TNFSF4: variants seen among roughly 807,000 people sequenced by gnomAD.
TNFSF4 encodes the protein tumor necrosis factor ligand superfamily member 4.
In TNFSF4, 4 loss-of-function variants were observed where a neutral mutation model predicts 7.3. That is an observed-to-expected ratio of 0.55 (90% confidence interval 0.27 to 1.25). The LOEUF is 1.25. Among genes scored for constraint, TNFSF4 ranks in the 50% most tolerant of loss-of-function variants. The pLI, the probability that TNFSF4 is intolerant of heterozygous loss-of-function variation, is 0.12. For synonymous variants in TNFSF4, 76 were observed against 83.7 expected (o/e 0.91, Z 0.50); for missense variants, 181 against 208.8 (o/e 0.87, Z 0.82).
At chr1:173,249,937 T>C in the TNFSF4 span, among the ~76,000 whole-genome samples, 2 of 152,140 alleles carry the variant, frequency 1.3e-5, no homozygotes, top group African/African-American at 2.4e-5. Flanking sequence ...CTCATAAGAA[T>C]AATATGTTCT....
At chr1:173,301,041 A>T in the TNFSF4 span, among the ~76,000 whole-genome samples, 1 of 151,970 alleles carries the variant, frequency 6.6e-6, no homozygotes, top group Non-Finnish European at 1.5e-5. Flanking sequence ...CAGTATTTTT[A>T]AAAAGATTCA....
the TNFSF4 span, among the ~76,000 whole-genome samples, chr1:173,397,813 A>G: frequency 6.6e-6 from 1 of 152,100 alleles, no homozygotes. Context: ...AATTGCAGAG[A>G]TTTGCACCAC....
chr1:173,271,353 C>G, the TNFSF4 span, among the ~76,000 whole-genome samples: 1 of 152,052 alleles, frequency 6.6e-6, no homozygotes, highest in Admixed American at 6.6e-5. Context: ...CCCGTTTCAG[C>G]TTTCTACATA....
chr1:173,292,079 C>A, the TNFSF4 span, among the ~76,000 whole-genome samples: 1 of 151,862 alleles, frequency 6.6e-6, no homozygotes, highest in Non-Finnish European at 1.5e-5. Context: ...TAGTATCAAT[C>A]CTACTGAAAT....
chr1:173,366,125 G>C, the TNFSF4 span, among the ~76,000 whole-genome samples: 1 of 152,146 alleles, frequency 6.6e-6, no homozygotes. Flanking sequence ...CCAACTCCTA[G>C]TATATACCCA....
the TNFSF4 span, among the ~76,000 whole-genome samples, chr1:173,267,997 T>A: frequency 5.9e-5 from 9 of 151,984 alleles, no homozygotes; most frequent in East Asian, 1.9e-4. Context: ...CACAAAAAAA[T>A]TTGGTGAACG....
the TNFSF4 span, among the ~76,000 whole-genome samples, chr1:173,176,573 C>G: frequency 6.6e-6 from 1 of 152,062 alleles, no homozygotes; most frequent in Non-Finnish European, 1.5e-5. Flanking sequence ...GGTGAGTTCT[C>G]AAAGTTCTGA....
rs372834430 is a variant in TNFSF4, at chr1:173,188,528, T to C, written c.195A>G (p.Gln65=). Residue 65 remains glutamine, a synonymous_variant, in exon 2 of 3, where the codon CAA becomes CAG. Transcript: ENST00000281834. The part of the protein sequence containing the change: ...RYPRIQSIKV[Q]FTEYKKEKGF... ...ACTTTTGACAATACTTACCGGTAAA[T>C]TGTACTTTGATACTTTGAATTCGAG... is the stretch of plus-strand genomic sequence containing the variant. The C allele has an allele frequency of 7.5e-6, 12 of 1,610,456 alleles. No individual in the cohort carries two copies. The highest frequency in any genetic ancestry group is 9.3e-6 in the Non-Finnish European group (11 of 1,176,950).
the TNFSF4 span, among the ~76,000 whole-genome samples, chr1:173,286,851 A>G: frequency 6.6e-6 from 1 of 152,190 alleles, no homozygotes; most frequent in South Asian, 2.1e-4. Flanking sequence ...CTAACAAAGA[A>G]TTATTATTTA....
the TNFSF4 span, among the ~76,000 whole-genome samples, chr1:173,402,622 T>C: frequency 2.6e-5 from 4 of 152,212 alleles, no homozygotes; most frequent in Non-Finnish European, 4.4e-5. Flanking sequence ...GCACTATTTC[T>C]CATCAATCCT....
At chr1:173,307,859 T>A in the TNFSF4 span, among the ~76,000 whole-genome samples, 1 of 152,062 alleles carries the variant, frequency 6.6e-6, no homozygotes, top group East Asian at 1.9e-4. Flanking sequence ...TCTGTAAGGT[T>A]GAATTATTTC....
At chr1:173,317,622 T>A in the TNFSF4 span, among the ~76,000 whole-genome samples, 2 of 151,938 alleles carry the variant, frequency 1.3e-5, no homozygotes, top group African/African-American at 4.8e-5. Flanking sequence ...GAACAAAACA[T>A]CCACATGAAG....
the TNFSF4 span, among the ~76,000 whole-genome samples, chr1:173,340,899 T>C: frequency 6.6e-6 from 1 of 152,162 alleles, no homozygotes; most frequent in Non-Finnish European, 1.5e-5. Flanking sequence ...TCATCTTGAA[T>C]TGTAGTTCCC....
chr1:173,326,267 A>G, the TNFSF4 span, among the ~76,000 whole-genome samples: 1 of 152,220 alleles, frequency 6.6e-6, no homozygotes, highest in Non-Finnish European at 1.5e-5. Flanking sequence ...GACAAAAACC[A>G]CATGATTATC....
At chr1:173,352,140 C>A in the TNFSF4 span, 2 of 244,502 alleles carry the variant, frequency 8.2e-6, no homozygotes, top group Non-Finnish European at 1.5e-5. Context: ...TCTGGTAAAC[C>A]AGAAAGACCT....
the TNFSF4 span, among the ~76,000 whole-genome samples, chr1:173,321,572 A>G: frequency 1.3e-5 from 2 of 152,090 alleles, no homozygotes; most frequent in African/African-American, 4.8e-5. Context: ...TTTTTGCAAG[A>G]TACCCATATG....
At chr1:173,243,028 A>G in the TNFSF4 span, among the ~76,000 whole-genome samples, 1 of 149,034 alleles carries the variant, frequency 6.7e-6, no homozygotes, top group African/African-American at 2.5e-5. Flanking sequence ...GAGCACAAAA[A>G]TAAACCAAGC....
the TNFSF4 span, among the ~76,000 whole-genome samples, chr1:173,222,238 G>T: frequency 6.6e-6 from 1 of 152,066 alleles, no homozygotes; most frequent in Non-Finnish European, 1.5e-5. Context: ...TCCCATGGGT[G>T]GGTGGGTAGG....
At chr1:173,400,662 G>A in the TNFSF4 span, among the ~76,000 whole-genome samples, 5 of 152,142 alleles carry the variant, frequency 3.3e-5, no homozygotes, top group South Asian at 2.1e-4. Context: ...TACTCCCAAG[G>A]GAAAATGAAC....
Sources: gnomAD v4.1 joint callset for allele counts (sites outside exome capture counted in the v4.1 genomes callset) on GRCh38, gnomAD v4.1.1 for gene constraint, MANE v1.5 for transcripts, NCBI Gene and HGNC (gene_info 2026-07-23, HGNC 2026-07-21) for gene names.